Variants in MAP3K13 observed in about 807,000 individuals in gnomAD.
The protein encoded by MAP3K13 is mitogen-activated protein kinase kinase kinase 13, also known as leucine zipper-bearing kinase.
A neutral mutation model predicts 104.0 loss-of-function variants in MAP3K13; 52 were observed. The ratio of observed to expected loss-of-function variants is 0.50; its 90% CI spans 0.40 to 0.63. The LOEUF (loss-of-function observed/expected upper bound fraction) is 0.63, where lower values mean the gene tolerates loss of function less well. Ranked by LOEUF, MAP3K13 falls within the 20% of genes least tolerant of loss-of-function variation. The pLI is 0.00. For missense variants in MAP3K13, 914 were observed against 1,218.5 expected (o/e 0.75, Z 3.72); for synonymous variants, 394 against 442.2 (o/e 0.89, Z 1.37).
At position 185,315,486 on chromosome 3, in the gene MAP3K13, T is replaced by C. The variant is rs1721642642; in HGVS notation, c.-86+29843T>C. Reference sequence around the variant, plus strand: ...AGCTTCCAGGTGATGCTGATACTGCTGGTCCAGCGACCATTAATTGAGAAC... The same window carrying C: ...AGCTTCCAGGTGATGCTGATACTGCCGGTCCAGCGACCATTAATTGAGAAC... On this transcript the variant is annotated intron_variant, in intron 2 of 14. Transcript: ENST00000424227. The surrounding 1 kb of genome is among the most constrained non-coding windows in gnomAD (Gnocchi z 4.3). Among the ~76,000 whole-genome samples the C allele has an allele frequency of 6.6e-6, 1 of 152,188 alleles. No homozygotes were observed. The highest frequency in any genetic ancestry group is 1.5e-5 in the Non-Finnish European group (1 of 68,032).
At chr3:185,466,674 G>A in intron 9 of MAP3K13, 152 bp from the exon 10 acceptor site, 3 of 913,868 alleles carry the variant, frequency 3.3e-6, no homozygotes, top group Non-Finnish European at 5.0e-6. Flanking sequence ...ACCGAGCCCG[G>A]CTGTTTGTTT....
chr3:185,421,217 G>A lies in MAP3K13; in HGVS notation c.-85-7280G>A, dbSNP rs1278357245. On this transcript the variant is annotated intron_variant, in intron 1 of 13. Transcript: ENST00000265026. ...TTTGTTTTTGTTTTGTTTTCGAGGC[G>A]GAGTCTCCCTCTATTGCCCAGGCTG... Among the ~76,000 whole-genome samples the A allele has an allele frequency of 6.6e-5, 10 of 151,092 alleles. No homozygotes were observed. In the South Asian group the frequency reaches 1.0e-3, roughly 16 times the overall value.
chr3:185,465,328 CT>C (rs1160350039), intron 8 of MAP3K13, among the ~76,000 whole-genome samples: 21 of 152,290 alleles, frequency 1.4e-4, no homozygotes, highest in Admixed American at 1.2e-3. Flanking sequence ...ACATATAAAT[CT>C]GGGGGGCACA....
chr3:185,317,444 T>G (rs544477018), intron 2 of MAP3K13, among the ~76,000 whole-genome samples: 5 of 152,200 alleles, frequency 3.3e-5, no homozygotes, highest in Non-Finnish European at 5.9e-5. Context: ...TTATCTGAAG[T>G]GATTTCTGTC....
At chr3:185,427,214 A>T (rs1281768741) in intron 1 of MAP3K13, among the ~76,000 whole-genome samples, 3 of 146,270 alleles carry the variant, frequency 2.1e-5, no homozygotes, top group African/African-American at 5.0e-5. Flanking sequence ...AAAAAAAAAA[A>T]TTAGCTGGGC....
At chr3:185,421,342 C>T (rs183214664) in intron 1 of MAP3K13, among the ~76,000 whole-genome samples, 36 of 152,032 alleles carry the variant, frequency 2.4e-4, no homozygotes, top group African/African-American at 8.4e-4. Context: ...GAATTACAGG[C>T]GCCTGCCACC....
At chr3:185,469,356 G>A (rs912891791) in intron 10 of MAP3K13, among the ~76,000 whole-genome samples, 3 of 152,164 alleles carry the variant, frequency 2.0e-5, no homozygotes, top group African/African-American at 4.8e-5. Flanking sequence ...TGGGGTCAAC[G>A]GACTTGGGTT....
rs543978150 is a variant in MAP3K13, at chr3:185,438,127, TA to T, written c.659+506del. Among the ~76,000 whole-genome samples, 585 of 151,662 alleles carry T rather than the reference TA, an allele frequency of 3.9e-3. 4 individuals carry two copies. Among genetic ancestry groups the T allele is most frequent in the African/African-American group, 0.013 (537 of 41,348 alleles). On this transcript the variant is annotated intron_variant, in intron 3 of 13. Coordinates refer to ENST00000265026, the MANE Select transcript of MAP3K13 (RefSeq NM_004721.5). ...GGGCAATATAGTGGAACCCTGTCTG[TA>T]AAAAAAAATTTTTTTTAATTAGCTG...
rs899722944 is a variant in MAP3K13, at chr3:185,418,972, T to C, written c.-85-9525T>C. Among the ~76,000 whole-genome samples, 2 of 152,156 alleles carry C rather than the reference T, an allele frequency of 1.3e-5. No homozygotes were observed. The highest frequency in any genetic ancestry group is 4.8e-5 in the African/African-American group (2 of 41,436). Reference sequence around the variant, plus strand: ...GGAGTCATTAACTTTTGTTTGCTCATTGTCGTCTTTTTAAGTTCACTTTTA... The same window carrying C: ...GGAGTCATTAACTTTTGTTTGCTCACTGTCGTCTTTTTAAGTTCACTTTTA... On this transcript the variant is annotated intron_variant, in intron 1 of 13. Transcript: ENST00000265026. The surrounding 1 kb of genome is among the most constrained non-coding windows in gnomAD (Gnocchi z 4.5).
At position 185,323,943 on chromosome 3, in the gene MAP3K13, C is replaced by T. The variant is rs148845032; in HGVS notation, c.-86+38300C>T. On this transcript the variant is annotated intron_variant, in intron 2 of 14. Transcript: ENST00000424227. ...TAGGTGAAAATATAGGTTAAGATGACGTCATTGTACTTTTAATTTTGATTT... is the reference window on the plus strand; with the variant it reads ...TAGGTGAAAATATAGGTTAAGATGATGTCATTGTACTTTTAATTTTGATTT... 4.6e-3 allele frequency among the ~76,000 whole-genome samples: 697 copies of T among 152,212 alleles called. 3 individuals carry two copies. The highest frequency in any genetic ancestry group is 0.016 in the African/African-American group (648 of 41,532).
intron 2 of MAP3K13, among the ~76,000 whole-genome samples, chr3:185,357,245 G>GACC (rs958806450): frequency 1.3e-5 from 2 of 151,780 alleles, no homozygotes; most frequent in African/African-American, 4.8e-5. Context: ...AGGAGTTTAA[G>GACC]ACCAGCCTGG....
chr3:185,444,654 T>C (rs952203692), intron 4 of MAP3K13, among the ~76,000 whole-genome samples: 8 of 152,158 alleles, frequency 5.3e-5, no homozygotes, highest in African/African-American at 1.9e-4. Context: ...GTTCCCCAAA[T>C]TGAATGAAGA....
intron 2 of MAP3K13, among the ~76,000 whole-genome samples, chr3:185,337,176 A>T (rs1722536560): frequency 6.6e-6 from 1 of 152,208 alleles, no homozygotes; most frequent in African/African-American, 2.4e-5. Flanking sequence ...AAGTGCTAGG[A>T]TTACAGGTGT....
At chr3:185,414,278 C>T (rs770055504) in intron 1 of MAP3K13, among the ~76,000 whole-genome samples, 2 of 152,114 alleles carry the variant, frequency 1.3e-5, no homozygotes, top group Non-Finnish European at 2.9e-5. Context: ...GTTGTTAATA[C>T]GTTATCACAT....
At chr3:185,380,963 T>TG (rs1560075553) in intron 1 of MAP3K13, among the ~76,000 whole-genome samples, 22 of 151,520 alleles carry the variant, frequency 1.5e-4, no homozygotes, top group African/African-American at 4.8e-4. Flanking sequence ...TTTTTTGTTT[T>TG]TTTTTGTTTT....
rs535096695 is a variant in MAP3K13 at position 185,450,148 on chromosome 3, G to A, written c.1169+90G>A. ...TGGTGGAAAGAATAGGAGCTTTGGA[G>A]TAGGAGAATCTTGGGTTCAAATACT... On this transcript the variant is annotated intron_variant, in intron 6 of 13. Transcript: ENST00000265026. This position sits in a 1 kb window ranked among gnomAD's most constrained non-coding sequence, Gnocchi z 4.2. The A allele has an allele frequency of 2.7e-4, 335 of 1,262,446 alleles. No homozygotes were observed. The African/African-American group carries it at 4.6e-3, about 17-fold the overall frequency. The allele number at this position is 1,262,446 out of a possible 1,614,324, so 78.2% of individuals were successfully genotyped here.
At chr3:185,400,691 C>T (rs908348350) in intron 1 of MAP3K13, among the ~76,000 whole-genome samples, 1 of 151,742 alleles carries the variant, frequency 6.6e-6, no homozygotes, top group Non-Finnish European at 1.5e-5. Context: ...TTCAAAGACA[C>T]GAAAGATCTA....
intron 1 of MAP3K13, among the ~76,000 whole-genome samples, chr3:185,398,125 G>C (rs1240053848): frequency 2.0e-5 from 3 of 152,102 alleles, no homozygotes; most frequent in Non-Finnish European, 4.4e-5. Context: ...GGACAGACTT[G>C]TGGGGGTGAG....
At chr3:185,362,790 G>C (rs933745567), upstream of MAP3K13, among the ~76,000 whole-genome samples, 16 of 152,090 alleles carry the variant, frequency 1.1e-4, no homozygotes, top group South Asian at 2.1e-4. Context: ...GTAAGAAAAG[G>C]GTTGAAGAAA....
Sources: gnomAD v4.1 joint callset for allele counts (sites outside exome capture counted in the v4.1 genomes callset) on GRCh38, gnomAD v4.1.1 for gene constraint, Gnocchi (gnomAD v3.1) non-coding constraint, MANE v1.5 for transcripts, NCBI Gene and HGNC (gene_info 2026-07-23, HGNC 2026-07-21) for gene names.